Variants in TANC1 observed in about 807,000 individuals in gnomAD.
TANC1 encodes the protein tetratricopeptide repeat, ankyrin repeat and coiled-coil containing 1, also known as protein TANC1.
A neutral mutation model predicts 149.7 loss-of-function variants in TANC1; 77 were observed. That is an observed-to-expected ratio of 0.51 (90% CI 0.43 to 0.62). TANC1 has a LOEUF of 0.62. Among genes scored for constraint, TANC1 ranks in the 20% least tolerant of loss-of-function variants. The pLI, the probability that TANC1 is intolerant of heterozygous loss-of-function variation, is 0.00. For missense variants in TANC1, 1,985 were observed against 2,321.8 expected, an observed-to-expected ratio of 0.85 and a Z score of 2.98; for synonymous variants, 854 against 925.0, an observed-to-expected ratio of 0.92 and a Z score of 1.39.
chr2:159,077,814 AGTT>A (rs749707983), intron 3 of TANC1, among the ~76,000 whole-genome samples: 2 of 152,214 alleles, frequency 1.3e-5, no homozygotes, highest in Non-Finnish European at 2.9e-5. Context: ...TCATAAGAAT[AGTT>A]GTAAGAAATT....
intron 7 of TANC1, among the ~76,000 whole-genome samples, chr2:159,155,805 A>G (rs1358524480): frequency 2.0e-5 from 3 of 152,244 alleles, no homozygotes; most frequent in African/African-American, 7.2e-5. Flanking sequence ...AGCTTGCAGT[A>G]AAATATTAGA....
chr2:159,068,912 G>A (rs1012020227), intron 3 of TANC1, among the ~76,000 whole-genome samples: 3 of 152,108 alleles, frequency 2.0e-5, no homozygotes, highest in Non-Finnish European at 2.9e-5. Flanking sequence ...GCTAATTTTT[G>A]TATTTTTGGT....
At chr2:159,091,725 G>C (rs771963747) in intron 3 of TANC1, among the ~76,000 whole-genome samples, 4 of 152,148 alleles carry the variant, frequency 2.6e-5, no homozygotes, top group Admixed American at 6.5e-5. Context: ...TGTACCCTAG[G>C]GGTTAGCTGC....
intron 22 of TANC1, 83 bp downstream of exon 22, chr2:159,219,950 T>A (rs1193435147): frequency 7.3e-7 from 1 of 1,362,568 alleles, no homozygotes; most frequent in Admixed American, 1.9e-5. Flanking sequence ...AGGGCCTGCA[T>A]GAGGTTGTGT....
At chr2:158,991,025 G>T (rs935145505) in intron 1 of TANC1, among the ~76,000 whole-genome samples, 2 of 150,080 alleles carry the variant, frequency 1.3e-5, no homozygotes, top group African/African-American at 4.9e-5. Flanking sequence ...CAGCGAGGTG[G>T]AGGTTGTGGT....
intron 15 of TANC1, among the ~76,000 whole-genome samples, chr2:159,186,495 T>C (rs1187156641): frequency 6.6e-6 from 1 of 152,170 alleles, no homozygotes; most frequent in Non-Finnish European, 1.5e-5. Context: ...ATACAAAAAT[T>C]AGCTGGGAGT....
chr2:159,225,717 A>C lies in TANC1; in HGVS notation c.3841A>C (p.Lys1281Gln). Residue 1281 changes from lysine (K) to glutamine (Q), a missense_variant, in exon 24 of 27, where the codon AAA (lysine) becomes CAA (glutamine). Around this residue, in one of 3 missense-constraint regions of TANC1, gnomAD observed 920 missense variants for 994.7 expected, o/e 0.92. Transcript: ENST00000263635. The stretch of plus-strand genomic sequence containing the variant: ...TGCTGCTTGGGCGATGGCCACTTCC[A>C]AACCTGATATCTTGATTATACTTTT... Reference protein sequence around the residue: ...GNAAWAMATSKPDILIILLQK... With the variant: ...GNAAWAMATSQPDILIILLQK... 1.2e-6 allele frequency: 2 copies of C among 1,614,212 alleles called. No individual in the cohort carries two copies.
At chr2:159,118,841 C>A (rs193102990) in intron 4 of TANC1, among the ~76,000 whole-genome samples, 5 of 152,020 alleles carry the variant, frequency 3.3e-5, no homozygotes, top group African/African-American at 1.2e-4. Flanking sequence ...GCATGCTGTT[C>A]GAGTAGCTAA....
At chr2:159,175,436 A>G (rs2055746154) in intron 12 of TANC1, among the ~76,000 whole-genome samples, 1 of 152,238 alleles carries the variant, frequency 6.6e-6, no homozygotes, top group African/African-American at 2.4e-5. Flanking sequence ...GAGCAGTTCC[A>G]AAGTAGTCAG....
intron 19 of TANC1, among the ~76,000 whole-genome samples, chr2:159,200,005 C>T (rs1022685925): frequency 7.2e-5 from 11 of 152,278 alleles, no homozygotes; most frequent in Admixed American, 3.9e-4. Context: ...TGCTCCCAGG[C>T]GCAGAGAAAG....
At position 159,172,193 on chromosome 2, in the gene TANC1, C is replaced by T. The variant is rs758363796; in HGVS notation, c.1424C>T (p.Thr475Ile). ...AGTTCTTCCACAAGTGCTTCCAGCA[C>T]AGCTAAAACACCTCTTGGGTCTATC... The part of the protein sequence containing the change: ...SPSSSTSASS[T>I]AKTPLGSISA... Residue 475 changes from threonine (T) to isoleucine (I), a missense_variant, in exon 11 of 27, where the codon ACA (threonine) becomes ATA (isoleucine). By Grantham distance (89) the Thr-to-Ile change is moderately conservative (BLOSUM62 -1). Transcript: ENST00000263635. The T allele has an allele frequency of 6.2e-7, 1 of 1,614,210 alleles. No homozygotes were observed. The highest frequency in any genetic ancestry group is 1.1e-5 in the South Asian group (1 of 91,076).
chr2:159,174,752 G>T (rs1323945908), intron 11 of TANC1, among the ~76,000 whole-genome samples: 1 of 152,170 alleles, frequency 6.6e-6, no homozygotes, highest in East Asian at 1.9e-4. Context: ...TGGCTTTGTG[G>T]ATGCAGTTAA....
intron 2 of TANC1, among the ~76,000 whole-genome samples, chr2:159,009,660 G>A (rs1028855072): frequency 6.6e-6 from 1 of 152,124 alleles, no homozygotes; most frequent in Non-Finnish European, 1.5e-5. Flanking sequence ...CTAGATAGGG[G>A]GAATAAGTCC....
intron 2 of TANC1, among the ~76,000 whole-genome samples, chr2:159,058,212 G>A (rs2149640090): frequency 6.6e-6 from 1 of 152,180 alleles, no homozygotes; most frequent in East Asian, 1.9e-4. Context: ...TATCCCTTCT[G>A]TGTGCCTATT....
chr2:159,136,062 G>GTT (rs2050704235), intron 4 of TANC1, 132 bp from the exon 5 acceptor site: 1 of 567,024 alleles, frequency 1.8e-6, no homozygotes, highest in Non-Finnish European at 3.0e-6. Flanking sequence ...GCGCGCGCGC[G>GTT]TTTAAGGGAG....
At position 159,178,630 on chromosome 2, in the gene TANC1, C is replaced by T. The variant is rs1474133671; in HGVS notation, c.1977C>T (p.Asp659=). The part of the protein sequence containing the change: ...DFPDNKDIHS[D]LHAYVQHRVH... ...CAGACAACAAAGACATCCACAGTGACCTGCACGCCTACGTCCAGCACAGGG... is the reference window on the plus strand; with the variant it reads ...CAGACAACAAAGACATCCACAGTGATCTGCACGCCTACGTCCAGCACAGGG... The change falls in exon 14 of 27, where the codon GAC becomes GAT. Residue 659 remains aspartate (D), a synonymous_variant. Transcript: ENST00000263635. 3.1e-6 allele frequency: 5 copies of T among 1,613,922 alleles called. No individual in the cohort carries two copies. Among genetic ancestry groups the T allele is most frequent in the South Asian group, 2.2e-5 (2 of 91,030 alleles).
chr2:159,079,499 C>G (rs1199284125), intron 3 of TANC1, among the ~76,000 whole-genome samples: 1 of 152,066 alleles, frequency 6.6e-6, no homozygotes, highest in Non-Finnish European at 1.5e-5. Flanking sequence ...TGGTTTGAAC[C>G]TAGTTTGTCT....
At chr2:159,084,500 A>T (rs1225587710) in intron 3 of TANC1, among the ~76,000 whole-genome samples, 1 of 152,084 alleles carries the variant, frequency 6.6e-6, no homozygotes, top group African/African-American at 2.4e-5. Context: ...TAAGGAGTTG[A>T]AGTAAGATAA....
intron 5 of TANC1, among the ~76,000 whole-genome samples, chr2:159,144,437 A>G (rs2051819616): frequency 6.6e-6 from 1 of 152,162 alleles, no homozygotes; most frequent in African/African-American, 2.4e-5. Flanking sequence ...GTACAGTGGC[A>G]CAATCTTGGC....
Sources: allele counts gnomAD v4.1 joint callset (sites outside exome capture counted in the v4.1 genomes callset), GRCh38; gene constraint gnomAD v4.1.1; regional missense constraint gnomAD v4.1.1; transcripts MANE v1.5; gene names NCBI Gene and HGNC (gene_info 2026-07-23, HGNC 2026-07-21).